BTNL2: variants seen among roughly 807,000 people sequenced by gnomAD.
BTNL2 encodes butyrophilin-like protein 2.
A neutral mutation model predicts 46.8 loss-of-function variants in BTNL2; 46 were observed. That is an observed-to-expected ratio of 0.98 (90% CI 0.78 to 1.26). BTNL2 has a LOEUF of 1.26. BTNL2 is among the 50% of genes most tolerant of loss of function. BTNL2 has a pLI of 0.00. For missense variants in BTNL2, 461 were observed against 592.6 expected (o/e 0.78, Z 2.31); for synonymous variants, 226 against 229.1 (o/e 0.99, Z 0.12).
chr6:32,398,318 C>T (rs1776566728), intron 4 of BTNL2, among the ~76,000 whole-genome samples: 1 of 152,218 alleles, frequency 6.6e-6, no homozygotes, highest in African/African-American at 2.4e-5. Context: ...ATGTCATTGG[C>T]CGAAAACTGC....
chr6:32,405,252 G>A lies in BTNL2; in HGVS notation c.114C>T (p.Ile38=). Residue 38 remains isoleucine, a synonymous_variant, in exon 2 of 8, where the codon ATC becomes ATT. Coordinates refer to ENST00000454136, the MANE Select transcript of BTNL2 (RefSeq NM_001304561.2). ...GGGCATCTTCCCCAACCCCGGCCAG[G>A]ATAGGATGAGCAGGGCCAATGACTC... ...DFRVIGPAHP[I]LAGVGEDALL... The A allele has an allele frequency of 1.2e-6, 2 of 1,613,020 alleles. No homozygotes were observed. The highest frequency in any genetic ancestry group is 1.7e-6 in the Non-Finnish European group (2 of 1,180,022).
chr6:32,403,008 A>G lies in BTNL2; in HGVS notation c.636T>C (p.Ser212=), dbSNP rs1410424052. The change falls in exon 3 of 8, where the codon TCT becomes TCC. Residue 212 remains serine (S), a synonymous_variant. Transcript: ENST00000454136. The part of the protein sequence containing the change: ...AEATLVVRNA[S]AESVSCLVHN... ...GGACCAAGCAGGACACAGACTCTGC[A>G]GAGGCGTTCCTGACCACCAGGGTGG... 1 of 1,612,902 alleles carries G rather than the reference A, an allele frequency of 6.2e-7. No individual in the cohort carries two copies.
intron 4 of BTNL2, among the ~76,000 whole-genome samples, chr6:32,398,336 C>T (rs1776567689): frequency 6.6e-6 from 1 of 152,202 alleles, no homozygotes; most frequent in Admixed American, 6.5e-5. Flanking sequence ...TGCCAGCTAC[C>T]TTTGTAGAGA....
At chr6:32,402,750 G>A (rs532234952) in intron 3 of BTNL2, among the ~76,000 whole-genome samples, 185 bp downstream of exon 3, 3 of 152,166 alleles carry the variant, frequency 2.0e-5, no homozygotes, top group Admixed American at 6.5e-5. Context: ...TAACGCAGGC[G>A]CCATAACAGC....
intron 2 of BTNL2, among the ~76,000 whole-genome samples, chr6:32,404,531 C>G (rs1422862730): frequency 6.6e-6 from 1 of 152,218 alleles, no homozygotes; most frequent in East Asian, 1.9e-4. Context: ...AGAACATTTT[C>G]ACGTCTCAGT....
At chr6:32,401,895 T>C (rs1260437482) in intron 3 of BTNL2, 90 bp from the exon 4 acceptor site, 7 of 1,103,020 alleles carry the variant, frequency 6.3e-6, no homozygotes, top group Non-Finnish European at 9.2e-6. Flanking sequence ...AATTTATACA[T>C]TATATAGGGA....
Position 32,394,450 on chromosome 6 carries a change from C to T in BTNL2, c.1360+294G>A, listed in dbSNP as rs1356921487. Among the ~76,000 whole-genome samples the T allele has an allele frequency of 1.3e-5, 2 of 150,848 alleles. No individual in the cohort carries two copies. The highest frequency in any genetic ancestry group is 3.0e-5 in the Non-Finnish European group (2 of 67,736). On this transcript the variant is annotated intron_variant, in intron 6 of 7. Coordinates refer to ENST00000454136, the MANE Select transcript of BTNL2 (RefSeq NM_001304561.2). The surrounding 1 kb of genome is among the most constrained non-coding windows in gnomAD (Gnocchi z 4.6). ...AAGTTCTGTAATTTAATTGTTTTCACATCAGAAGAAGAGAATTTAAAGAGA... is the reference window on the plus strand; with the variant it reads ...AAGTTCTGTAATTTAATTGTTTTCATATCAGAAGAAGAGAATTTAAAGAGA...
rs1307387123 is a variant in BTNL2 at position 32,407,058 on chromosome 6, T to C, written c.66A>G (p.Thr22=). 6.2e-7 allele frequency: 1 copy of C among 1,612,884 alleles called. No homozygotes were observed. Among genetic ancestry groups the C allele is most frequent in the South Asian group, 1.1e-5 (1 of 91,072 alleles). ...AGGGAATCCTACCTGACTGCTTCAT[T>C]GTCAGCAGGATGAATAGGAAGGAGG... is the stretch of plus-strand genomic sequence containing the variant. ...AVASFLFILL[T]MKQSEDFRVI... is the part of the protein sequence containing the mutation. The change falls in exon 1 of 8, where the codon ACA becomes ACG. Residue 22 remains threonine, a synonymous_variant. Transcript: ENST00000454136.
rs1352170060 is a variant in BTNL2 at position 32,396,195 on chromosome 6, A to C, written c.922T>G (p.Tyr308Asp). The C allele has an allele frequency of 6.2e-7, 1 of 1,612,888 alleles. No homozygotes were observed. Among genetic ancestry groups the C allele is most frequent in the South Asian group, 1.1e-5 (1 of 91,074 alleles). The stretch of plus-strand genomic sequence containing the variant: ...CTCACCAGTACAGTCCTCCCTCTGT[A>C]CTCTGCCATCTGCTCTCCAGCCACA... ...DHVAGEQMAE[Y>D]RGRTVLVSDA... The change falls in exon 5 of 8, where the codon TAC (tyrosine) becomes GAC (aspartate). Residue 308 changes from tyrosine to aspartate, a missense_variant. Coordinates refer to ENST00000454136, the MANE Select transcript of BTNL2 (RefSeq NM_001304561.2). This position sits in a 1 kb window ranked among gnomAD's most constrained non-coding sequence, Gnocchi z 4.4.
intron 1 of BTNL2, chr6:32,405,704 A>G: frequency 4.5e-6 from 1 of 222,048 alleles, no homozygotes; most frequent in South Asian, 6.4e-5. Flanking sequence ...TGGAAACCTT[A>G]TTCTTGTTAT....
chr6:32,403,125 G>A lies in BTNL2; in HGVS notation c.519C>T (p.Pro173=). Reference sequence around the variant, plus strand: ...CCCGGATGTCTTCCCAATACACCTGGGGCTCTGGGAACCAGCCCCTTGCAG... The same window carrying A: ...CCCGGATGTCTTCCCAATACACCTGAGGCTCTGGGAACCAGCCCCTTGCAG... ...VCTARGWFPE[P]QVYWEDIRGE... is the part of the protein sequence containing the mutation. The change falls in exon 3 of 8, where the codon CCC becomes CCT. Residue 173 remains proline (P), a synonymous_variant. Coordinates refer to ENST00000454136, the MANE Select transcript of BTNL2 (RefSeq NM_001304561.2). 3 of 1,612,816 alleles carry A rather than the reference G, an allele frequency of 1.9e-6. No homozygotes were observed. The highest frequency in any genetic ancestry group is 2.5e-6 in the Non-Finnish European group (3 of 1,179,902).
chr6:32,400,615 A>G (rs1776688808), intron 4 of BTNL2, among the ~76,000 whole-genome samples: 1 of 150,580 alleles, frequency 6.6e-6, no homozygotes, highest in Non-Finnish European at 1.5e-5. Flanking sequence ...GAGATTTAAA[A>G]AACAAAAATT....
At position 32,400,745 on chromosome 6, in the gene BTNL2, T is replaced by TAAAAATACAAAAAAAAAAAAAA. The variant is rs9281774; in HGVS notation, c.730+1039_730+1040insTTTTTTTTTTTTTTGTATTTTT. 3.2e-4 allele frequency among the ~76,000 whole-genome samples: 26 copies of TAAAAATACAAAAAAAAAAAAAA among 82,118 alleles called. 7 individuals are homozygous for TAAAAATACAAAAAAAAAAAAAA. Among genetic ancestry groups the TAAAAATACAAAAAAAAAAAAAA allele is most frequent in the African/African-American group, 4.4e-4 (10 of 22,944 alleles). 53.9% of individuals were successfully genotyped at this position (82,118 alleles called of 152,430 possible). ...CAACATGGTGAAACCCCGTCTCTAC[T>TAAAAATACAAAAAAAAAAAAAA]AAAAAAAAAAAAAAAAAATTAGCTG... On this transcript the variant is annotated intron_variant, in intron 4 of 7. Transcript: ENST00000454136.
chr6:32,402,447 T>C, intron 3 of BTNL2, among the ~76,000 whole-genome samples: 1 of 152,120 alleles, frequency 6.6e-6, no homozygotes, highest in South Asian at 2.1e-4. Flanking sequence ...AAATATCTTT[T>C]TATTAATGCT....
chr6:32,402,861 G>A (rs2150319157), intron 3 of BTNL2, 74 bp downstream of exon 3: 2 of 1,428,588 alleles, frequency 1.4e-6, no homozygotes, highest in African/African-American at 2.8e-5. Flanking sequence ...ATAAAAATAC[G>A]AGGTGCTATG....
At chr6:32,407,015 C>T in intron 1 of BTNL2, 30 bp downstream of exon 1, 3 of 1,602,198 alleles carry the variant, frequency 1.9e-6, no homozygotes, top group Non-Finnish European at 2.6e-6. Context: ...GGACATTAGA[C>T]TATACAGTAA....
At chr6:32,395,977 A>G in intron 5 of BTNL2, 62 bp downstream of exon 5, 1 of 1,312,626 alleles carries the variant, frequency 7.6e-7, no homozygotes, top group Non-Finnish European at 1.1e-6. Flanking sequence ...TTGTCCAGGA[A>G]CTAGCATATT....
At position 32,399,722 on chromosome 6, in the gene BTNL2, A is replaced by C. The variant is rs1317676939; in HGVS notation, c.730+2063T>G. Among the ~76,000 whole-genome samples, 3 of 152,234 alleles carry C rather than the reference A, an allele frequency of 2.0e-5. No individual in the cohort carries two copies. The highest frequency in any genetic ancestry group is 2.1e-4 in the South Asian group (1 of 4,828). On this transcript the variant is annotated intron_variant, in intron 4 of 7. Transcript: ENST00000454136. The surrounding 1 kb of genome is among the most constrained non-coding windows in gnomAD (Gnocchi z 5.2). ...TTATAATTATTGTAAGAAAAAATGA[A>C]ATAATTCCCATAACATATTCAGCAT...
chr6:32,398,069 T>A (rs1322201637), intron 4 of BTNL2, among the ~76,000 whole-genome samples: 1 of 152,222 alleles, frequency 6.6e-6, no homozygotes, highest in African/African-American at 2.4e-5. Context: ...TCTCTCACTG[T>A]GCAAAGTGGG....
Sources: gnomAD v4.1 joint callset for allele counts (sites outside exome capture counted in the v4.1 genomes callset) on GRCh38, gnomAD v4.1.1 for gene constraint, Gnocchi (gnomAD v3.1) non-coding constraint, MANE v1.5 for transcripts, NCBI Gene and HGNC (gene_info 2026-07-23, HGNC 2026-07-21) for gene names.